EFL1: variants seen among roughly 807,000 people sequenced by gnomAD.
The protein encoded by EFL1 is elongation factor like GTPase 1.
EFL1 carries 76 observed loss-of-function variants against 126.7 expected under a neutral mutation model. The ratio of observed to expected loss-of-function variants is 0.60; its 90% CI spans 0.50 to 0.73. The LOEUF (loss-of-function observed/expected upper bound fraction) is 0.73, where lower values mean the gene tolerates loss of function less well. EFL1 is among the 30% of genes least tolerant of loss of function. The pLI, the probability that EFL1 is intolerant of heterozygous loss-of-function variation, is 0.00. For synonymous variants in EFL1, 410 were observed against 448.4 expected (o/e 0.91, Z 1.08); for missense variants, 1,128 against 1,343.2 (o/e 0.84, Z 2.50).
chr15:82,135,264 A>C (rs2455717), intron 19 of EFL1, among the ~76,000 whole-genome samples: 1 of 151,488 alleles, frequency 6.6e-6, no homozygotes, highest in Admixed American at 6.6e-5. Flanking sequence ...AATATTTTTT[A>C]AAAAAAGTAT....
chr15:82,167,567 T>C (rs1406595349), intron 15 of EFL1, among the ~76,000 whole-genome samples: 2 of 152,150 alleles, frequency 1.3e-5, no homozygotes, highest in Non-Finnish European at 2.9e-5. Flanking sequence ...AGAGATGAAT[T>C]CACCTTCTGT....
At position 82,151,455 on chromosome 15, in the gene EFL1, T is replaced by A. The variant is rs1313094475; in HGVS notation, c.2989+10A>T. ...GGCATTTCTCACTATCTTTACCTTTTCTTCCTTACCGAGAACATCACCAGT... is the reference window on the plus strand; with the variant it reads ...GGCATTTCTCACTATCTTTACCTTTACTTCCTTACCGAGAACATCACCAGT... On this transcript the variant is annotated intron_variant, in intron 18 of 19. Coordinates refer to ENST00000268206, the MANE Select transcript of EFL1 (RefSeq NM_024580.6). 1.3e-6 allele frequency: 2 copies of A among 1,592,664 alleles called. No homozygotes were observed. The highest frequency in any genetic ancestry group is 2.3e-5 in the South Asian group (2 of 88,016).
intron 3 of EFL1, among the ~76,000 whole-genome samples, chr15:82,253,536 C>T (rs773531349): frequency 1.2e-4 from 18 of 152,088 alleles, no homozygotes; most frequent in Non-Finnish European, 2.4e-4. Flanking sequence ...AACTTACGGA[C>T]AGTAGCATTT....
intron 15 of EFL1, among the ~76,000 whole-genome samples, chr15:82,178,211 T>C (rs2074214557): frequency 2.6e-5 from 4 of 152,240 alleles, no homozygotes; most frequent in Admixed American, 2.0e-4. Context: ...GACAGACTAA[T>C]GTAAACAATT....
At position 82,167,329 on chromosome 15, in the gene EFL1, A is replaced by G. The variant is rs189879006; in HGVS notation, c.1751-3345T>C. 6.6e-3 allele frequency among the ~76,000 whole-genome samples: 1,001 copies of G among 152,278 alleles called. 9 individuals are homozygous for G. The highest frequency in any genetic ancestry group is 0.023 in the African/African-American group (938 of 41,548). ...TTAAATAAATTGGCATGTGAACTCTATGTTCACACAGACTGGAATGACAAC... is the reference window on the plus strand; with the variant it reads ...TTAAATAAATTGGCATGTGAACTCTGTGTTCACACAGACTGGAATGACAAC... On this transcript the variant is annotated intron_variant, in intron 15 of 19. Coordinates refer to ENST00000268206, the MANE Select transcript of EFL1 (RefSeq NM_024580.6).
chr15:82,144,080 T>C (rs1026121907), intron 18 of EFL1, among the ~76,000 whole-genome samples: 3 of 152,058 alleles, frequency 2.0e-5, no homozygotes, highest in African/African-American at 7.2e-5. Context: ...CTGGGCAACA[T>C]GGTGAGACTC....
At chr15:82,210,777 G>A (rs1379763500) in intron 15 of EFL1, among the ~76,000 whole-genome samples, 2 of 150,532 alleles carry the variant, frequency 1.3e-5, no homozygotes, top group African/African-American at 2.4e-5. Flanking sequence ...CTGGAGAATC[G>A]TTTGAACCCA....
At chr15:82,169,144 A>G (rs2141247760) in intron 15 of EFL1, among the ~76,000 whole-genome samples, 2 of 152,304 alleles carry the variant, frequency 1.3e-5, no homozygotes, top group East Asian at 1.9e-4. Context: ...GTCTAGGATT[A>G]AAACAGTGGA....
chr15:82,232,915 A>T (rs1307319605), intron 7 of EFL1, among the ~76,000 whole-genome samples: 2 of 151,788 alleles, frequency 1.3e-5, no homozygotes, highest in African/African-American at 4.8e-5. Flanking sequence ...ATTTTTTTTT[A>T]AATGTTGATT....
At chr15:82,163,305 C>T (rs1025554011) in intron 16 of EFL1, among the ~76,000 whole-genome samples, 2 of 152,144 alleles carry the variant, frequency 1.3e-5, no homozygotes, top group African/African-American at 2.4e-5. Context: ...AGTTTGGGAG[C>T]CCGAGGCAGG....
At chr15:82,232,287 G>A (rs2074830450) in intron 7 of EFL1, among the ~76,000 whole-genome samples, 1 of 152,150 alleles carries the variant, frequency 6.6e-6, no homozygotes, top group Non-Finnish European at 1.5e-5. Context: ...ATTCTTAGAT[G>A]GTTAAAACCA....
intron 18 of EFL1, among the ~76,000 whole-genome samples, 156 bp downstream of exon 18, chr15:82,151,309 G>A (rs1251723708): frequency 6.6e-6 from 1 of 152,118 alleles, no homozygotes; most frequent in African/African-American, 2.4e-5. Flanking sequence ...GATTGCTTGA[G>A]CCTGGTAGGC....
Position 82,227,492 on chromosome 15 carries a change from T to G in EFL1, c.1150A>C (p.Thr384Pro). 1 of 1,614,140 alleles carries G rather than the reference T, an allele frequency of 6.2e-7. No individual in the cohort carries two copies. The highest frequency in any genetic ancestry group is 8.5e-7 in the Non-Finnish European group (1 of 1,179,998). ...GTTTCTGGTGGAAAAGAGTCAAAAGTTTGTGATCCTGTGCACATCAGTCTC... is the reference window on the plus strand; with the variant it reads ...GTTTCTGGTGGAAAAGAGTCAAAAGGTTGTGATCCTGTGCACATCAGTCTC... ...VERLMCTGSQ[T>P]FDSFPPETQA... The change falls in exon 11 of 20, where the codon ACT becomes CCT. Residue 384 changes from threonine (T) to proline (P), a missense_variant. This residue lies in a region of EFL1 where 316 missense variants were observed against 318.5 expected (regional missense o/e 0.99). Coordinates refer to ENST00000268206, the MANE Select transcript of EFL1 (RefSeq NM_024580.6).
intron 15 of EFL1, among the ~76,000 whole-genome samples, chr15:82,196,582 T>C (rs2074409833): frequency 6.6e-6 from 1 of 152,240 alleles, no homozygotes; most frequent in Non-Finnish European, 1.5e-5. Flanking sequence ...CCTTTCAGTT[T>C]TTTAATATGC....
chr15:82,157,877 A>G lies in EFL1; in HGVS notation c.1883-17T>C. The G allele has an allele frequency of 6.2e-7, 1 of 1,605,932 alleles. No homozygotes were observed. Among genetic ancestry groups the G allele is most frequent in the Non-Finnish European group, 8.5e-7 (1 of 1,174,464 alleles). On this transcript the variant is annotated splice_polypyrimidine_tract_variant and intron_variant, in intron 16 of 19. Transcript: ENST00000268206. ...GCATTTCACCTAGGTTAACAAAACG[A>G]AATAGATTAAATATGATATAAGAAC...
At chr15:82,156,089 A>G (rs2073964003) in intron 17 of EFL1, among the ~76,000 whole-genome samples, 2 of 152,300 alleles carry the variant, frequency 1.3e-5, no homozygotes, top group East Asian at 3.9e-4. Context: ...TGCTCTTAAC[A>G]TGCTATTAAG....
At chr15:82,249,240 C>T (rs1388636816) in intron 4 of EFL1, among the ~76,000 whole-genome samples, 1 of 151,696 alleles carries the variant, frequency 6.6e-6, no homozygotes. Flanking sequence ...GAGGTTGAGA[C>T]CAGTCTGGGC....
intron 15 of EFL1, among the ~76,000 whole-genome samples, chr15:82,180,692 G>C (rs2074243482): frequency 6.6e-6 from 1 of 151,196 alleles, no homozygotes; most frequent in African/African-American, 2.4e-5. Context: ...AACATAAAAA[G>C]GTATACTTCT....
rs2074588566 is a variant in EFL1, at chr15:82,211,578, ACACT to A, written c.1750+3135_1750+3138del. On this transcript the variant is annotated intron_variant, in intron 15 of 19. Transcript: ENST00000268206. ...CACACACACACACACACACACACAC[ACACT>A]AGACACATACTAGACACACACACAC... is the stretch of plus-strand genomic sequence containing the variant. Among the ~76,000 whole-genome samples, 11 of 127,976 alleles carry A rather than the reference ACACT, an allele frequency of 8.6e-5. No homozygotes were observed. The South Asian group carries it at 2.6e-3, about 30-fold the overall frequency. 84.0% of individuals were successfully genotyped at this position (127,976 alleles called of 152,430 possible).
Sources: gnomAD v4.1 joint callset for allele counts (sites outside exome capture counted in the v4.1 genomes callset) on GRCh38, gnomAD v4.1.1 for gene constraint, gnomAD v4.1.1 regional missense constraint, MANE v1.5 for transcripts, NCBI Gene and HGNC (gene_info 2026-07-23, HGNC 2026-07-21) for gene names.